The following HYDIN variants were observed in gnomAD, a reference collection of about 807,000 sequenced individuals.
The protein encoded by HYDIN is HYDIN axonemal central pair apparatus protein, also known as axonemal central pair apparatus protein HYDIN.
A neutral mutation model predicts 403.9 loss-of-function variants in HYDIN; 132 were observed. The ratio of observed to expected loss-of-function variants is 0.33; its 90% CI spans 0.28 to 0.38. HYDIN has a LOEUF of 0.38. Ranked by LOEUF, HYDIN falls within the 10% of genes least tolerant of loss-of-function variation. The pLI is 1.00. For missense variants in HYDIN, 2,827 were observed against 5,009.5 expected (o/e 0.56, Z 13.15); for synonymous variants, 1,202 against 1,891.7 (o/e 0.64, Z 9.46).
Position 70,807,613 on chromosome 16 carries a change from T to C in HYDIN, c.15333A>G (p.Lys5111=). The C allele has an allele frequency of 2.5e-6, 4 of 1,613,920 alleles. No homozygotes were observed. The highest frequency in any genetic ancestry group is 3.4e-6 in the Non-Finnish European group (4 of 1,179,880). The stretch of plus-strand genomic sequence containing the variant: ...TGATCCCCTTCAGATAATAAACCCA[T>C]TTAACTCCAGTCTCACTCCCTTCAC... The part of the protein sequence containing the change: ...PPGEGSETGV[K]WVYYLKGITL The change falls in exon 86 of 86, where the codon AAA becomes AAG. Residue 5111 remains lysine (K), a synonymous_variant. Coordinates refer to ENST00000393567, the MANE Select transcript of HYDIN (RefSeq NM_001270974.2).
At chr16:70,921,743 C>G (rs947425946) in intron 45 of HYDIN, among the ~76,000 whole-genome samples, 30 of 152,198 alleles carry the variant, frequency 2.0e-4, no homozygotes, top group Non-Finnish European at 2.9e-5. Flanking sequence ...AAAAAGCTTA[C>G]AACAGTGCCT....
chr16:70,955,836 T>C (rs1382421170), intron 39 of HYDIN, among the ~76,000 whole-genome samples: 2 of 152,170 alleles, frequency 1.3e-5, no homozygotes, highest in East Asian at 1.9e-4. Flanking sequence ...TCTTTTTTTT[T>C]GAGATGGAGT....
chr16:70,830,022 G>T (rs1443045731), intron 80 of HYDIN, among the ~76,000 whole-genome samples, 192 bp from the exon 81 acceptor site: 1 of 152,102 alleles, frequency 6.6e-6, no homozygotes. Flanking sequence ...GCTAGGCACT[G>T]TTCTTGGTGG....
intron 41 of HYDIN, among the ~76,000 whole-genome samples, chr16:70,945,839 C>T (rs2077841393): frequency 6.6e-6 from 1 of 152,058 alleles, no homozygotes; most frequent in Non-Finnish European, 1.5e-5. Context: ...GAAGAAAGAG[C>T]AGCCGTGGAA....
intron 85 of HYDIN, 43 bp from the exon 86 acceptor site, chr16:70,808,105 A>T: frequency 5.8e-6 from 9 of 1,555,856 alleles, no homozygotes; most frequent in Non-Finnish European, 7.8e-6. Flanking sequence ...GAGATCCTGA[A>T]GAGCACACCA....
rs2041523173 is a variant in HYDIN at position 70,892,397 on chromosome 16, T to C, written c.9381A>G (p.Glu3127=). Residue 3127 remains glutamate (E), a synonymous_variant, in exon 56 of 86, where the codon GAA becomes GAG. Coordinates refer to ENST00000393567, the MANE Select transcript of HYDIN (RefSeq NM_001270974.2). ...NVQVFFHAKK[E]VKIEHQPVLR... is the part of the protein sequence containing the mutation. ...GAACAGGCTGGTGCTCAATCTTCACTTCCTTTTTTGCATGGAAGAAAACTT... is the reference window on the plus strand; with the variant it reads ...GAACAGGCTGGTGCTCAATCTTCACCTCCTTTTTTGCATGGAAGAAAACTT... 1 of 1,581,032 alleles carries C rather than the reference T, an allele frequency of 6.3e-7. No homozygotes were observed. Among genetic ancestry groups the C allele is most frequent in the Non-Finnish European group, 8.6e-7 (1 of 1,165,624 alleles).
At position 71,203,270 on chromosome 16, in the gene HYDIN, A is replaced by G. The variant is rs1472113955; in HGVS notation, c.-23-16352T>C. On this transcript the variant is annotated intron_variant, in intron 1 of 85. Coordinates refer to ENST00000393567, the MANE Select transcript of HYDIN (RefSeq NM_001270974.2). ...GGTTCATCTTTTGATCCTGTGAACC[A>G]TCCTAGTGTCCTAACTAAACGGACT... 2.0e-5 allele frequency among the ~76,000 whole-genome samples: 3 copies of G among 152,206 alleles called. No individual in the cohort carries two copies. In the East Asian group the frequency reaches 5.8e-4, roughly 29 times the overall value.
intron 1 of HYDIN, among the ~76,000 whole-genome samples, chr16:71,228,968 A>C (rs938877833): frequency 6.6e-6 from 1 of 152,132 alleles, no homozygotes; most frequent in Non-Finnish European, 1.5e-5. Flanking sequence ...ATGGAATACT[A>C]TGCAGCCATA....
chr16:70,993,349 A>T (rs1014803075), intron 23 of HYDIN, among the ~76,000 whole-genome samples: 4 of 151,902 alleles, frequency 2.6e-5, no homozygotes, highest in African/African-American at 9.7e-5. Flanking sequence ...TGTTTCCATC[A>T]TCCTAAAAAG....
intron 83 of HYDIN, among the ~76,000 whole-genome samples, chr16:70,818,852 G>C (rs546038857): frequency 6.6e-6 from 1 of 152,104 alleles, no homozygotes; most frequent in East Asian, 1.9e-4. Flanking sequence ...CACTTCCCTG[G>C]TGGGGACAGC....
At chr16:71,064,075 T>C (rs1304729511) in intron 16 of HYDIN, among the ~76,000 whole-genome samples, 2 of 127,596 alleles carry the variant, frequency 1.6e-5, no homozygotes, top group African/African-American at 5.3e-5. Flanking sequence ...ATTGTAATTC[T>C]ATAACTGAGT....
In HYDIN at chr16:70,943,857, C is replaced by T. The variant is rs926606360; in HGVS notation, c.6624G>A (p.Val2208=). The change falls in exon 42 of 86, where the codon GTG becomes GTA. Residue 2208 remains valine (V), a synonymous_variant. Transcript: ENST00000393567. ...TCTGCACGAGAAGTTCATCCGGGAG[C>T]ACACAGCTCATCAGCCCGGTCTCGC... ...VGGETGLMSC[V]LPDELLVQIL... is the part of the protein sequence containing the mutation. The T allele has an allele frequency of 1.2e-6, 2 of 1,613,540 alleles. No homozygotes were observed. Among genetic ancestry groups the T allele is most frequent in the Non-Finnish European group, 1.7e-6 (2 of 1,180,028 alleles).
At position 70,981,463 on chromosome 16, in the gene HYDIN, G is replaced by T. The variant is rs1433683780; in HGVS notation, c.4438C>A (p.Pro1480Thr). ...SFQIQIAHLD[P>T]ENITLSGEGI... ...TCTCCGCTCAGAGTGATATTTTCTGGGTCCAGGTGGGCGATCTGTATCTGG... is the reference window on the plus strand; with the variant it reads ...TCTCCGCTCAGAGTGATATTTTCTGTGTCCAGGTGGGCGATCTGTATCTGG... Residue 1480 changes from proline to threonine, a missense_variant, in exon 29 of 86, where the codon CCA (proline) becomes ACA (threonine). Pro to Thr is a conservative substitution (Grantham distance 38). Transcript: ENST00000393567. The T allele has an allele frequency of 1.9e-6, 3 of 1,613,718 alleles. No homozygotes were observed. The highest frequency in any genetic ancestry group is 2.5e-6 in the Non-Finnish European group (3 of 1,179,924).
At chr16:71,002,570 C>A (rs1029765781) in intron 23 of HYDIN, among the ~76,000 whole-genome samples, 6 of 151,420 alleles carry the variant, frequency 4.0e-5, no homozygotes, top group Admixed American at 4.0e-4. Context: ...AAAAAAAATT[C>A]TTCCTTATTC....
rs764383590 is a variant in HYDIN at position 70,862,068 on chromosome 16, G to A, written c.11757C>T (p.Phe3919=). Residue 3919 remains phenylalanine, a synonymous_variant, in exon 69 of 86, where the codon TTC becomes TTT. Transcript: ENST00000393567. ...VKFSPLDIGD[F]ESNLFCQIPN... ...CTTACTGGCAGAAAAGGTTGCTCTC[G>A]AAGTCTCCAATGTCCAACGGGGAGA... The A allele has an allele frequency of 7.5e-6, 12 of 1,596,794 alleles. No individual in the cohort carries two copies. Among genetic ancestry groups the A allele is most frequent in the African/African-American group, 4.0e-5 (3 of 74,268 alleles).
chr16:71,107,735 A>C (rs2083669590), intron 10 of HYDIN, among the ~76,000 whole-genome samples: 1 of 152,128 alleles, frequency 6.6e-6, no homozygotes, highest in East Asian at 1.9e-4. Flanking sequence ...AGTGTAAATT[A>C]GTTCAACCAT....
intron 39 of HYDIN, among the ~76,000 whole-genome samples, chr16:70,955,919 A>C (rs1024015137): frequency 2.6e-5 from 4 of 152,128 alleles, no homozygotes; most frequent in African/African-American, 9.7e-5. Context: ...CCTGGTTTCA[A>C]GTGATTCTCC....
chr16:70,811,001 C>T (rs576405952), intron 84 of HYDIN, among the ~76,000 whole-genome samples: 67 of 152,236 alleles, frequency 4.4e-4, no homozygotes, highest in East Asian at 1.9e-3. Context: ...GAATATATAC[C>T]ACACTGTTAC....
At chr16:70,907,265 G>A (rs992604671) in intron 50 of HYDIN, 107 bp downstream of exon 50, 1 of 530,578 alleles carries the variant, frequency 1.9e-6, no homozygotes. Context: ...GGCTAAGAGA[G>A]GCAGCATTAG....
Sources: allele counts gnomAD v4.1 joint callset (sites outside exome capture counted in the v4.1 genomes callset), GRCh38; gene constraint gnomAD v4.1.1; transcripts MANE v1.5; gene names NCBI Gene and HGNC (gene_info 2026-07-23, HGNC 2026-07-21).